Variants in MAOB observed in about 807,000 individuals in gnomAD.
MAOB encodes monoamine oxidase B.
A neutral mutation model predicts 41.9 loss-of-function variants in MAOB; 15 were observed. That is an observed-to-expected ratio of 0.36 (90% CI 0.24 to 0.55). MAOB has a LOEUF of 0.55. Among genes scored for constraint, MAOB ranks in the 20% least tolerant of loss-of-function variants. The pLI is 0.86. For missense variants in MAOB, 345 were observed against 398.7 expected, an observed-to-expected ratio of 0.87 and a Z score of 1.15; for synonymous variants, 167 against 144.2, an observed-to-expected ratio of 1.16 and a Z score of -1.13.
intron 12 of MAOB, among the ~76,000 whole-genome samples, chrX:43,774,293 T>C (rs141931548): frequency 0.012 from 1,356 of 111,723 alleles, 31 homozygotes; most frequent in African/African-American, 0.042. Flanking sequence ...TTTATTGTCA[T>C]CAAATAAATT....
chrX:43,880,102 T>C (rs945109860), intron 1 of MAOB, among the ~76,000 whole-genome samples: 1 of 112,379 alleles, frequency 8.9e-6, no homozygotes, highest in African/African-American at 3.2e-5. Flanking sequence ...GTAGTAATTA[T>C]TCTTGACTGT....
chrX:43,772,260 T>G (rs186303419), intron 12 of MAOB, among the ~76,000 whole-genome samples: 2 of 111,354 alleles, frequency 1.8e-5, no homozygotes, highest in Non-Finnish European at 3.8e-5. Context: ...CCCTAAAAAT[T>G]GAAGGTAGTT....
intron 8 of MAOB, among the ~76,000 whole-genome samples, chrX:43,791,681 C>A (rs772228163): frequency 2.7e-5 from 3 of 110,428 alleles, no homozygotes; most frequent in African/African-American, 9.9e-5. Flanking sequence ...CGCTTAAACC[C>A]GGAAGGCAGG....
At chrX:43,867,742 T>C (rs2035374956) in intron 1 of MAOB, among the ~76,000 whole-genome samples, 1 of 112,561 alleles carries the variant, frequency 8.9e-6, no homozygotes, top group South Asian at 3.7e-4. Context: ...ATATTGCTGT[T>C]ATTATATTTT....
At chrX:43,790,527 A>C (rs2034449938) in intron 8 of MAOB, among the ~76,000 whole-genome samples, 2 of 111,978 alleles carry the variant, frequency 1.8e-5, no homozygotes, top group South Asian at 7.4e-4. Flanking sequence ...AAATACATTA[A>C]AGTTGTAACT....
chrX:43,844,414 C>T (rs2035176426), intron 1 of MAOB: 1 of 111,814 alleles, frequency 8.9e-6, no homozygotes. Flanking sequence ...TTAAAAAAAC[C>T]CACAGCTTTA....
At chrX:43,830,756 T>C (rs2035009639) in intron 3 of MAOB, among the ~76,000 whole-genome samples, 1 of 111,875 alleles carries the variant, frequency 8.9e-6, no homozygotes, top group Non-Finnish European at 1.9e-5. Context: ...TTAGAAAAGT[T>C]TGTTTCCAAA....
intron 8 of MAOB, among the ~76,000 whole-genome samples, chrX:43,792,002 G>A (rs3027451): frequency 0.015 from 1,657 of 111,972 alleles, 46 homozygotes; most frequent in African/African-American, 0.05. Flanking sequence ...TGGTAGAATC[G>A]ACACTAGTGA....
intron 9 of MAOB, among the ~76,000 whole-genome samples, chrX:43,780,890 C>T (rs1376794299): frequency 7.2e-5 from 8 of 111,761 alleles, no homozygotes; most frequent in African/African-American, 1.6e-4. Flanking sequence ...ACTGTTGGCT[C>T]TCTCTGAGAT....
chrX:43,767,455 AC>A lies in MAOB; in HGVS notation c.*10del. The A allele has an allele frequency of 3.3e-6, 4 of 1,200,492 alleles. No individual in the cohort carries two copies. Among genetic ancestry groups the A allele is most frequent in the Non-Finnish European group, 4.5e-6 (4 of 888,995 alleles). ...GTAAGAAGAGAGTGTGATTACAGAC[AC>A]CCTCTCTCTTTAGACTCTCACAAGT... On this transcript the variant is annotated 3_prime_UTR_variant, in exon 15 of 15. Coordinates refer to ENST00000378069, the MANE Select transcript of MAOB (RefSeq NM_000898.5).
chrX:43,785,844 A>G (rs2034391845), intron 8 of MAOB, among the ~76,000 whole-genome samples: 1 of 112,006 alleles, frequency 8.9e-6, no homozygotes, highest in African/African-American at 3.2e-5. Flanking sequence ...GCCATCTTAT[A>G]TGGGTGCTGT....
intron 3 of MAOB, among the ~76,000 whole-genome samples, chrX:43,821,910 C>T (rs2034886036): frequency 8.9e-6 from 1 of 112,010 alleles, no homozygotes; most frequent in Non-Finnish European, 1.9e-5. Context: ...TCCCACTTTA[C>T]AAACTAGGAA....
intron 1 of MAOB, among the ~76,000 whole-genome samples, chrX:43,847,315 A>T (rs2035214003): frequency 9.0e-6 from 1 of 111,490 alleles, no homozygotes; most frequent in African/African-American, 3.3e-5. Flanking sequence ...ACTGCACTCC[A>T]GCCTGGGTGA....
chrX:43,867,542 TATGAG>T (rs1254677799), intron 1 of MAOB, among the ~76,000 whole-genome samples: 1 of 112,117 alleles, frequency 8.9e-6, no homozygotes, highest in Non-Finnish European at 1.9e-5. Flanking sequence ...TAGACAAGAG[TATGAG>T]ATAAGTGTTT....
chrX:43,843,857 C>T (rs1602021743), intron 1 of MAOB, 93 bp from the exon 2 acceptor site: 2 of 1,115,227 alleles, frequency 1.8e-6, no homozygotes, highest in African/African-American at 3.6e-5. Flanking sequence ...TCCATGCTGG[C>T]TCACGTGCAC....
Position 43,812,726 on chromosome X carries a change from C to A in MAOB, c.280-9322G>T, listed in dbSNP as rs1159131495. On this transcript the variant is annotated intron_variant, in intron 3 of 14. Coordinates refer to ENST00000378069, the MANE Select transcript of MAOB (RefSeq NM_000898.5). ...AATTGCTTGCTAACATTTCTAAGCA[C>A]ACAGAATTGGCACTGACACTGTCTT... 1.9e-4 allele frequency among the ~76,000 whole-genome samples: 21 copies of A among 112,383 alleles called. No homozygotes were observed. In the Admixed American group the frequency reaches 2.0e-3, roughly 11 times the overall value.
intron 3 of MAOB, among the ~76,000 whole-genome samples, chrX:43,808,678 CTATATCT>C (rs2034700476): frequency 4.0e-5 from 4 of 99,043 alleles, no homozygotes; most frequent in African/African-American, 1.6e-4. Flanking sequence ...ATATCTATAT[CTATATCT>C]ATATCTACAC....
At chrX:43,858,466 T>G (rs890016626) in intron 1 of MAOB, among the ~76,000 whole-genome samples, 1 of 111,160 alleles carries the variant, frequency 9.0e-6, no homozygotes, top group South Asian at 3.8e-4. Context: ...CTCATTGTGG[T>G]TCTTCTCACA....
Position 43,856,242 on chromosome X carries a change from A to G in MAOB, c.47-12478T>C, listed in dbSNP as rs1368062482. Among the ~76,000 whole-genome samples the G allele has an allele frequency of 6.3e-5, 7 of 110,305 alleles. No individual in the cohort carries two copies. In the Admixed American group the frequency reaches 6.7e-4, roughly 11 times the overall value. On this transcript the variant is annotated intron_variant, in intron 1 of 14. Coordinates refer to ENST00000378069, the MANE Select transcript of MAOB (RefSeq NM_000898.5). Reference sequence around the variant, plus strand: ...GGGATTACAGGTACACGCCACCATGACCGGCTAATTTTTGTATTTTTAGTA... The same window carrying G: ...GGGATTACAGGTACACGCCACCATGGCCGGCTAATTTTTGTATTTTTAGTA...
Sources: gnomAD v4.1 joint callset for allele counts (sites outside exome capture counted in the v4.1 genomes callset) on GRCh38, gnomAD v4.1.1 for gene constraint, MANE v1.5 for transcripts, NCBI Gene and HGNC (gene_info 2026-07-23, HGNC 2026-07-21) for gene names.